SEC16A: variants seen among roughly 807,000 people sequenced by gnomAD.
The protein encoded by SEC16A is SEC16 homolog A, endoplasmic reticulum export factor, also known as protein transport protein Sec16A.
In SEC16A, 110 loss-of-function variants were observed where a neutral mutation model predicts 221.9. That is an observed-to-expected ratio of 0.50 (90% CI 0.42 to 0.58). The LOEUF (loss-of-function observed/expected upper bound fraction) is 0.58, where lower values mean the gene tolerates loss of function less well. Ranked by LOEUF, SEC16A falls within the 20% of genes least tolerant of loss-of-function variation. The pLI is 0.00. For synonymous variants in SEC16A, 1,393 were observed against 1,257.7 expected (o/e 1.11, Z -2.28); for missense variants, 3,165 against 3,097.8 (o/e 1.02, Z -0.52).
chr9:136,476,893 C>T lies in SEC16A; in HGVS notation c.723G>A (p.Val241=). ...AATGAGGAACGCTGGTGGCACAGGG[C>T]ACCCCGCTGGGAACAGGTCCTTCAG... The part of the protein sequence containing the change: ...PCPEGPVPSG[V]PCATSVPHFP... The change falls in exon 3 of 32, where the codon GTG becomes GTA. Residue 241 remains valine, a synonymous_variant. Transcript: ENST00000684901. 1 of 1,611,550 alleles carries T rather than the reference C, an allele frequency of 6.2e-7. No homozygotes were observed. The highest frequency in any genetic ancestry group is 1.1e-5 in the South Asian group (1 of 91,050).
At chr9:136,483,449 C>CCACCG, upstream of SEC16A, 1 of 711,026 alleles carries the variant, frequency 1.4e-6, no homozygotes, top group Non-Finnish European at 1.7e-6. Flanking sequence ...TGGCCCCGCC[C>CCACCG]CTCGGCCGTC....
intron 22 of SEC16A, among the ~76,000 whole-genome samples, chr9:136,451,870 G>A (rs542076712): frequency 6.6e-6 from 1 of 152,278 alleles, no homozygotes; most frequent in South Asian, 2.1e-4. Context: ...GTATTTTAAA[G>A]GGTAAAACAC....
At chr9:136,455,221 C>T (rs1033658398) in intron 20 of SEC16A, among the ~76,000 whole-genome samples, 3 of 152,176 alleles carry the variant, frequency 2.0e-5, no homozygotes, top group East Asian at 1.9e-4. Context: ...GCCCTTCCAC[C>T]GACGGGGCCG....
At chr9:136,442,507 C>T (rs1836337803) in intron 31 of SEC16A, among the ~76,000 whole-genome samples, 1 of 152,178 alleles carries the variant, frequency 6.6e-6, no homozygotes, top group South Asian at 2.1e-4. Flanking sequence ...CCCAAGAGGC[C>T]CCAGACCTTG....
intron 18 of SEC16A, among the ~76,000 whole-genome samples, chr9:136,456,890 G>C (rs968715771): frequency 6.6e-6 from 1 of 152,134 alleles, no homozygotes; most frequent in African/African-American, 2.4e-5. Flanking sequence ...TATCCTGGCC[G>C]GGCGTGGTGG....
At chr9:136,458,065 T>C (rs1353149771) in intron 17 of SEC16A, among the ~76,000 whole-genome samples, 1 of 151,056 alleles carries the variant, frequency 6.6e-6, no homozygotes, top group Non-Finnish European at 1.5e-5. Flanking sequence ...CAAGCAGTCC[T>C]CCCACCTCAG....
chr9:136,442,923 A>T (rs1836399155), intron 31 of SEC16A, among the ~76,000 whole-genome samples: 1 of 152,242 alleles, frequency 6.6e-6, no homozygotes, highest in South Asian at 2.1e-4. Context: ...AAGAAATAAA[A>T]AACATACAAA....
At chr9:136,467,187 A>C in intron 5 of SEC16A, 104 bp from the exon 6 acceptor site, 4 of 1,341,794 alleles carry the variant, frequency 3.0e-6, no homozygotes, top group Non-Finnish European at 4.1e-6. Context: ...TGCTCCAAGG[A>C]CTCCTCGAGA....
chr9:136,451,309 C>T lies in SEC16A; in HGVS notation c.6259G>A (p.Glu2087Lys), dbSNP rs774356729. The T allele has an allele frequency of 6.2e-6, 10 of 1,613,430 alleles. No homozygotes were observed. The Admixed American group carries it at 6.7e-5, about 11-fold the overall frequency. ...GCTGCCTGTCCGGGTCTCTTTGTTTCGGGAGCGGGTGAGAGAGACAGAGGT... is the reference window on the plus strand; with the variant it reads ...GCTGCCTGTCCGGGTCTCTTTGTTTTGGGAGCGGGTGAGAGAGACAGAGGT... ...QPPLSLSPAP[E>K]TKRPGQAAKK... Residue 2087 changes from glutamate (E) to lysine (K), a missense_variant, in exon 23 of 32, where the codon GAA becomes AAA. Physicochemically the swap from Glu to Lys is moderately conservative, Grantham distance 56. Coordinates refer to ENST00000684901, the MANE Select transcript of SEC16A (RefSeq NM_014866.2).
Position 136,456,034 on chromosome 9 carries a change from C to A in SEC16A, c.5664+19G>T, listed in dbSNP as rs1352509855. 4 of 1,596,260 alleles carry A rather than the reference C, an allele frequency of 2.5e-6. No homozygotes were observed. In the African/African-American group the frequency reaches 5.4e-5, roughly 21 times the overall value. On this transcript the variant is annotated intron_variant, in intron 19 of 31. Coordinates refer to ENST00000684901, the MANE Select transcript of SEC16A (RefSeq NM_014866.2). ...CACCTTGCCAGACGCCTCTGTGCCA[C>A]CCCAAGCCAAGGCTGTACCTTAATC...
In SEC16A at chr9:136,466,392, G is replaced by C. The variant is rs565142453; in HGVS notation, c.4000C>G (p.Pro1334Ala). 1.2e-6 allele frequency: 2 copies of C among 1,604,140 alleles called. No individual in the cohort carries two copies. The highest frequency in any genetic ancestry group is 1.7e-4 in the Middle Eastern group (1 of 6,052). ...FTGSFDDDPD[P>A]HRDPYGEEVD... ...TCTTCCCCATAAGGGTCTCTGTGCG[G>C]ATCGGGGTCATCGTCAAAACTCCCC... Residue 1334 changes from proline to alanine, a missense_variant, in exon 7 of 32, where the codon CCG becomes GCG. Pro to Ala is a conservative substitution (Grantham distance 27, BLOSUM62 -1). Around this residue, in one of 3 missense-constraint regions of SEC16A, gnomAD observed 2,030 missense variants for 1,923.1 expected, o/e 1.06. Coordinates refer to ENST00000684901, the MANE Select transcript of SEC16A (RefSeq NM_014866.2). The surrounding 1 kb of genome is among the most constrained non-coding windows in gnomAD (Gnocchi z 5.5).
chr9:136,444,530 A>G (rs962603515), intron 30 of SEC16A, among the ~76,000 whole-genome samples: 2 of 152,054 alleles, frequency 1.3e-5, no homozygotes, highest in Admixed American at 1.3e-4. Flanking sequence ...GACAGAACCC[A>G]CTCATTGACT....
At chr9:136,470,712 G>A (rs964822112) in intron 4 of SEC16A, among the ~76,000 whole-genome samples, 1 of 152,254 alleles carries the variant, frequency 6.6e-6, no homozygotes. Flanking sequence ...TGCGTGGGCA[G>A]AGGTTCACAG....
chr9:136,471,749 TA>T (rs1840900995), intron 4 of SEC16A, among the ~76,000 whole-genome samples: 1 of 152,240 alleles, frequency 6.6e-6, no homozygotes, highest in South Asian at 2.1e-4. Context: ...CGCCAAATGC[TA>T]ACTGACCAGC....
chr9:136,441,792 C>T lies in SEC16A; in HGVS notation c.7037G>A (p.Gly2346Glu), dbSNP rs763538447. ...ACATSGSSRL[G>E]RIGQRKHLVL... Reference sequence around the variant, plus strand: ...CAGGTGCTTCCTCTGGCCAATCCTCCCTAGCCTTGAGCTCCCGGAGGTGGC... The same window carrying T: ...CAGGTGCTTCCTCTGGCCAATCCTCTCTAGCCTTGAGCTCCCGGAGGTGGC... The change falls in exon 32 of 32, where the codon GGG becomes GAG. Residue 2346 changes from glycine (G) to glutamate (E), a missense_variant. Coordinates refer to ENST00000684901, the MANE Select transcript of SEC16A (RefSeq NM_014866.2). 1.9e-6 allele frequency: 3 copies of T among 1,613,284 alleles called. No homozygotes were observed. In the East Asian group the frequency reaches 6.7e-5, roughly 36 times the overall value.
intron 18 of SEC16A, among the ~76,000 whole-genome samples, chr9:136,456,799 C>T (rs1391295782): frequency 1.3e-5 from 2 of 152,224 alleles, no homozygotes; most frequent in Non-Finnish European, 2.9e-5. Flanking sequence ...TGCAGCAGTA[C>T]AGCCAGGACT....
Position 136,474,611 on chromosome 9 carries a change from A to G in SEC16A, c.3005T>C (p.Leu1002Ser), listed in dbSNP as rs377422446. 10 of 1,613,010 alleles carry G rather than the reference A, an allele frequency of 6.2e-6. No homozygotes were observed. Among genetic ancestry groups the G allele is most frequent in the East Asian group, 2.2e-5 (1 of 44,876 alleles). ...GTTGTACACGTTTACAGGATTTTCC[A>G]AAGTCCTGCTTAAGGTAAAGTCTAG... ...GALDFTLSRT[L>S]ENPVNVYNPS... The change falls in exon 3 of 32, where the codon TTG becomes TCG. Residue 1002 changes from leucine to serine, a missense_variant. Leu to Ser is a moderately radical substitution (Grantham distance 145, BLOSUM62 -2). Coordinates refer to ENST00000684901, the MANE Select transcript of SEC16A (RefSeq NM_014866.2).
chr9:136,474,783 G>T lies in SEC16A; in HGVS notation c.2833C>A (p.Arg945Ser). The T allele has an allele frequency of 6.2e-7, 1 of 1,613,960 alleles. No homozygotes were observed. ...ENLVPESQKD[R>S]KAGSALPGFA... The stretch of plus-strand genomic sequence containing the variant: ...CCGGGAAGAGCACTTCCTGCCTTAC[G>T]ATCCTTTTGACTTTCTGGAACCAAG... Residue 945 changes from arginine to serine, a missense_variant, in exon 3 of 32, where the codon CGT becomes AGT. Physicochemically the swap from Arg to Ser is moderately radical, Grantham distance 110. This residue lies in a region of SEC16A where 2,030 missense variants were observed against 1,923.1 expected (regional missense o/e 1.06). Transcript: ENST00000684901.
Position 136,440,389 on chromosome 9 carries a change from G to A in SEC16A, c.*1366C>T. ...AACATTTTGGAAAACATCCTGGGTG[G>A]TCTGGGCTAAATGATCAAGTGAAAC... On this transcript the variant is annotated 3_prime_UTR_variant, in exon 32 of 32. Transcript: ENST00000684901. 6.5e-6 allele frequency: 1 copy of A among 152,696 alleles called. No individual in the cohort carries two copies. 9.5% of individuals were successfully genotyped at this position (152,696 alleles called of 1,614,324 possible).
Sources: allele counts gnomAD v4.1 joint callset (sites outside exome capture counted in the v4.1 genomes callset), GRCh38; gene constraint gnomAD v4.1.1; regional missense constraint gnomAD v4.1.1; non-coding constraint Gnocchi (gnomAD v3.1); transcripts MANE v1.5; gene names NCBI Gene and HGNC (gene_info 2026-07-23, HGNC 2026-07-21).